TRAPPC9: variants seen among roughly 807,000 people sequenced by gnomAD.
TRAPPC9 encodes trafficking protein particle complex subunit 9.
A neutral mutation model predicts 124.0 loss-of-function variants in TRAPPC9; 83 were observed. The ratio of observed to expected loss-of-function variants is 0.67; its 90% CI spans 0.56 to 0.80. The LOEUF (loss-of-function observed/expected upper bound fraction) is 0.80. TRAPPC9 is among the 30% of genes least tolerant of loss of function. The pLI is 0.00. For missense variants in TRAPPC9, 1,302 were observed against 1,508.3 expected (o/e 0.86, Z 2.27); for synonymous variants, 638 against 617.5 (o/e 1.03, Z -0.49).
At chr8:139,854,641 C>T (rs1452543502) in intron 21 of TRAPPC9, among the ~76,000 whole-genome samples, 1 of 152,232 alleles carries the variant, frequency 6.6e-6, no homozygotes, top group African/African-American at 2.4e-5. Context: ...GTAGCAGGGG[C>T]CGTAGCTACA....
Position 140,097,772 on chromosome 8 carries a change from G to A in TRAPPC9, c.2557-73693C>T, listed in dbSNP as rs145800477. The A allele has an allele frequency of 2.6e-5, 4 of 152,338 alleles. No homozygotes were observed. The highest frequency in any genetic ancestry group is 5.9e-5 in the Non-Finnish European group (4 of 68,068). The allele number at this position is 152,338 out of a possible 1,614,324, so 9.4% of individuals were successfully genotyped here. A position where few individuals can be genotyped will look rare whatever the true frequency, so the allele number is the denominator to read the frequency against. On this transcript the variant is annotated intron_variant, in intron 17 of 22. Coordinates refer to ENST00000438773, the MANE Select transcript of TRAPPC9 (RefSeq NM_001160372.4). This position sits in a 1 kb window ranked among gnomAD's most constrained non-coding sequence, Gnocchi z 4.2. ...AGTCGGCAGAGTGAGGAGCCTGCCT[G>A]GGTCCTCCATACGCAGTCGCAGCTG...
rs540347142 is a variant in TRAPPC9 at position 140,443,218 on chromosome 8, A to G, written c.585-4021T>C. Among the ~76,000 whole-genome samples, 121 of 148,440 alleles carry G rather than the reference A, an allele frequency of 8.2e-4. 1 individual carries two copies. Among genetic ancestry groups the G allele is most frequent in the African/African-American group, 2.5e-3 (102 of 40,274 alleles). ...TGGGAGGCCAAGGCGGGCAGATCAC[A>G]AAGTCAGGAGATCGAGACCATCCTG... is the stretch of plus-strand genomic sequence containing the variant. On this transcript the variant is annotated intron_variant, in intron 2 of 22. Transcript: ENST00000438773.
At chr8:139,759,278 C>T (rs891042023) in intron 21 of TRAPPC9, among the ~76,000 whole-genome samples, 17 of 152,134 alleles carry the variant, frequency 1.1e-4, no homozygotes, top group African/African-American at 4.1e-4. Context: ...CCGGAAGGGG[C>T]GGGGAGGAAT....
At chr8:140,069,779 C>T (rs1464824678) in intron 17 of TRAPPC9, among the ~76,000 whole-genome samples, 2 of 152,120 alleles carry the variant, frequency 1.3e-5, no homozygotes, top group African/African-American at 4.8e-5. Flanking sequence ...GCTGGAGAAC[C>T]AGAGGAGCTG....
chr8:140,399,468 T>A (rs2069192952), intron 6 of TRAPPC9, among the ~76,000 whole-genome samples: 1 of 152,240 alleles, frequency 6.6e-6, no homozygotes, highest in African/African-American at 2.4e-5. Flanking sequence ...ACCCACCTCT[T>A]GCATCAGCAT....
At chr8:140,220,006 T>C (rs755405411) in intron 17 of TRAPPC9, among the ~76,000 whole-genome samples, 9 of 152,052 alleles carry the variant, frequency 5.9e-5, no homozygotes, top group Non-Finnish European at 1.3e-4. Flanking sequence ...CCCACAAAGC[T>C]CCAGGGCACC....
At chr8:139,874,880 A>C (rs1462921620) in intron 21 of TRAPPC9, among the ~76,000 whole-genome samples, 3 of 152,114 alleles carry the variant, frequency 2.0e-5, no homozygotes, top group African/African-American at 7.2e-5. Flanking sequence ...ACACGCGCAT[A>C]ACCGGGGGCA....
intron 15 of TRAPPC9, among the ~76,000 whole-genome samples, chr8:140,264,365 A>G (rs1006961541): frequency 2.0e-5 from 3 of 151,428 alleles, no homozygotes; most frequent in Admixed American, 6.6e-5. Context: ...TGCTTCTTAC[A>G]CTCTTGCTTT....
chr8:140,248,634 C>T (rs1257050822), intron 16 of TRAPPC9, among the ~76,000 whole-genome samples: 1 of 152,192 alleles, frequency 6.6e-6, no homozygotes, highest in African/African-American at 2.4e-5. Flanking sequence ...CTGAATAGTT[C>T]ATATATTCAA....
chr8:140,139,849 T>C (rs1587792308), intron 17 of TRAPPC9, among the ~76,000 whole-genome samples: 1 of 152,108 alleles, frequency 6.6e-6, no homozygotes, highest in South Asian at 2.1e-4. Context: ...TCTAACAGCG[T>C]TCAAAAGCCC....
chr8:139,733,701 A>C (rs1255248271), intron 21 of TRAPPC9, among the ~76,000 whole-genome samples: 1 of 151,898 alleles, frequency 6.6e-6, no homozygotes, highest in African/African-American at 2.4e-5. Context: ...CCACAAGAGC[A>C]CTCCCACCCC....
rs2062238155 is a variant in TRAPPC9 at position 140,182,879 on chromosome 8, T to C, written c.2556+38580A>G. 1.3e-5 allele frequency among the ~76,000 whole-genome samples: 2 copies of C among 152,100 alleles called. No individual in the cohort carries two copies. Among genetic ancestry groups the C allele is most frequent in the African/African-American group, 4.8e-5 (2 of 41,410 alleles). On this transcript the variant is annotated intron_variant, in intron 17 of 22. Transcript: ENST00000438773. This position sits in a 1 kb window ranked among gnomAD's most constrained non-coding sequence, Gnocchi z 4.0. ...ACCACCAGCTTCCCAGTGCAGCCTT[T>C]CCAATGCACGGGAGCCAGCACTCTC...
At chr8:140,081,259 C>T (rs1360171221) in intron 17 of TRAPPC9, among the ~76,000 whole-genome samples, 1 of 152,074 alleles carries the variant, frequency 6.6e-6, no homozygotes, top group South Asian at 2.1e-4. Flanking sequence ...CCAGCTCTGG[C>T]GTCTCTCCAC....
chr8:140,137,736 A>G (rs1168875395), intron 17 of TRAPPC9, among the ~76,000 whole-genome samples: 1 of 152,264 alleles, frequency 6.6e-6, no homozygotes, highest in Non-Finnish European at 1.5e-5. Flanking sequence ...CGTAGTAGAT[A>G]TTCACAGCTC....
intron 5 of TRAPPC9, among the ~76,000 whole-genome samples, chr8:140,412,621 CTT>C (rs1346418324): frequency 6.6e-6 from 1 of 152,128 alleles, no homozygotes; most frequent in East Asian, 1.9e-4. Context: ...TCAAAAAAAA[CTT>C]TGTATATGCA....
intron 19 of TRAPPC9, 99 bp from the exon 20 acceptor site, chr8:139,910,399 A>C (rs1418918727): frequency 8.3e-7 from 1 of 1,198,346 alleles, no homozygotes; most frequent in African/African-American, 1.5e-5. Context: ...CACTATAATG[A>C]ATCATTATCG....
Position 140,353,335 on chromosome 8 carries a change from C to A in TRAPPC9, c.1495+6715G>T, listed in dbSNP as rs1335805437. On this transcript the variant is annotated intron_variant, in intron 9 of 22. Coordinates refer to ENST00000438773, the MANE Select transcript of TRAPPC9 (RefSeq NM_001160372.4). The surrounding 1 kb of genome is among the most constrained non-coding windows in gnomAD (Gnocchi z 4.2). ...CATGGGACCCCCCCCTTTCGTCACTCCTCAGTCTTTTCACAGTAGCATTAA... is the reference window on the plus strand; with the variant it reads ...CATGGGACCCCCCCCTTTCGTCACTACTCAGTCTTTTCACAGTAGCATTAA... Among the ~76,000 whole-genome samples, 1 of 152,034 alleles carries A rather than the reference C, an allele frequency of 6.6e-6. No homozygotes were observed. The highest frequency in any genetic ancestry group is 1.5e-5 in the Non-Finnish European group (1 of 68,004).
At chr8:139,823,535 C>A (rs1825399710) in intron 21 of TRAPPC9, among the ~76,000 whole-genome samples, 1 of 152,212 alleles carries the variant, frequency 6.6e-6, no homozygotes, top group African/African-American at 2.4e-5. Flanking sequence ...GGCAGGGTCA[C>A]AGTGACCCAC....
rs2067633125 is a variant in TRAPPC9, at chr8:140,353,033, C to A, written c.1495+7017G>T. ...TTAAAACAATCCCACAAGGTAGACG[C>A]AAAAACCAAGACACAGATAGGGTTT... On this transcript the variant is annotated intron_variant, in intron 9 of 22. Coordinates refer to ENST00000438773, the MANE Select transcript of TRAPPC9 (RefSeq NM_001160372.4). The surrounding 1 kb of genome is among the most constrained non-coding windows in gnomAD (Gnocchi z 4.2). 6.6e-6 allele frequency among the ~76,000 whole-genome samples: 1 copy of A among 152,140 alleles called. No homozygotes were observed. The highest frequency in any genetic ancestry group is 2.4e-5 in the African/African-American group (1 of 41,408).
Sources: gnomAD v4.1 joint callset for allele counts (sites outside exome capture counted in the v4.1 genomes callset) on GRCh38, gnomAD v4.1.1 for gene constraint, Gnocchi (gnomAD v3.1) non-coding constraint, MANE v1.5 for transcripts, NCBI Gene and HGNC (gene_info 2026-07-23, HGNC 2026-07-21) for gene names.